The following TMEM178A variants were observed in gnomAD, a reference collection of about 807,000 sequenced individuals.
TMEM178A encodes the protein transmembrane protein 178A.
In TMEM178A, 12 loss-of-function variants were observed where a neutral mutation model predicts 29.1. The observed-to-expected ratio is 0.41, with a 90% CI of 0.26 to 0.67. The LOEUF (loss-of-function observed/expected upper bound fraction) is 0.67. Ranked by LOEUF, TMEM178A falls within the 30% of genes least tolerant of loss-of-function variation. The probability of loss-of-function intolerance (pLI) is 0.29; values close to 1 mark genes in which losing one functional copy is unlikely to be tolerated. For synonymous variants in TMEM178A, 210 were observed against 187.2 expected, an observed-to-expected ratio of 1.12 and a Z score of -0.99; for missense variants, 366 against 419.1, an observed-to-expected ratio of 0.87 and a Z score of 1.11.
intron 1 of TMEM178A, among the ~76,000 whole-genome samples, chr2:39,683,170 G>A (rs572071983): frequency 5.9e-5 from 9 of 152,236 alleles, no homozygotes; most frequent in Admixed American, 1.3e-4. Context: ...ATACGGTGTC[G>A]TCCATTTCAG....
the TMEM178A span, among the ~76,000 whole-genome samples, chr2:39,731,920 A>C: frequency 0.57 from 86,016 of 151,956 alleles, 25,056 homozygotes; most frequent in East Asian, 0.77. Flanking sequence ...TTCCAACTAC[A>C]TATTTAGAAC....
chr2:39,727,170 C>A, the TMEM178A span, among the ~76,000 whole-genome samples: 3 of 152,188 alleles, frequency 2.0e-5, no homozygotes, highest in Non-Finnish European at 2.9e-5. Flanking sequence ...GCCCGGACTT[C>A]TGGCTGGTAT....
chr2:39,686,192 C>T (rs1285277675), intron 1 of TMEM178A, among the ~76,000 whole-genome samples: 2 of 152,168 alleles, frequency 1.3e-5, no homozygotes, highest in Non-Finnish European at 2.9e-5. Context: ...CTTCTGAGCC[C>T]TGCAGGGAAA....
chr2:39,665,981 C>A lies in TMEM178A; in HGVS notation c.7C>A (p.Pro3Thr). 7.3e-7 allele frequency: 1 copy of A among 1,377,878 alleles called. No homozygotes were observed. The highest frequency in any genetic ancestry group is 1.5e-5 in the African/African-American group (1 of 66,522). 85.4% of individuals were successfully genotyped at this position (1,377,878 alleles called of 1,614,324 possible). A position where few individuals can be genotyped will look rare whatever the true frequency, so the allele number is the denominator to read the frequency against. MEPRALVTALSLG... is the reference protein window; with the variant it reads METRALVTALSLG... ...TGCGGCGGGGCGGGAAGCCATGGAG[C>A]CGCGGGCGCTCGTCACGGCGCTCAG... The change falls in exon 1 of 4, where the codon CCG (proline) becomes ACG (threonine). Residue 3 changes from proline (P) to threonine (T), a missense_variant. Physicochemically the swap from Pro to Thr is conservative, Grantham distance 38. This residue lies in a region of TMEM178A where 247 missense variants were observed against 246.8 expected (regional missense o/e 1.00). Transcript: ENST00000281961.
the TMEM178A span, among the ~76,000 whole-genome samples, chr2:39,728,926 T>C: frequency 1.3e-5 from 2 of 152,024 alleles, no homozygotes; most frequent in Non-Finnish European, 2.9e-5. Flanking sequence ...CTAGAAAATA[T>C]GGTAACAGAA....
At chr2:39,676,141 TA>T (rs1670613768) in intron 1 of TMEM178A, among the ~76,000 whole-genome samples, 1 of 152,212 alleles carries the variant, frequency 6.6e-6, no homozygotes. Context: ...GGTGTAATTT[TA>T]AAATATGTAG....
chr2:39,690,844 G>A (rs1377682766), intron 1 of TMEM178A, among the ~76,000 whole-genome samples: 1 of 152,156 alleles, frequency 6.6e-6, no homozygotes, highest in African/African-American at 2.4e-5. Flanking sequence ...AATGAAATCA[G>A]GAATACGATA....
rs1670843731 is a variant in TMEM178A, at chr2:39,680,923, T to TTTATTA, written c.400+14549_400+14550insTTATTA. On this transcript the variant is annotated intron_variant, in intron 1 of 3. Coordinates refer to ENST00000281961, the MANE Select transcript of TMEM178A (RefSeq NM_152390.3). ...TTGAATTTAATAATTCTGTGTTAAATACCTGGAAGTTATACTTAATCACTT... is the reference window on the plus strand; with the variant it reads ...TTGAATTTAATAATTCTGTGTTAAATTTATTAACCTGGAAGTTATACTTAATCACTT... Among the ~76,000 whole-genome samples, 4 of 152,226 alleles carry TTTATTA rather than the reference T, an allele frequency of 2.6e-5. No homozygotes were observed. In the South Asian group the frequency reaches 8.3e-4, roughly 31 times the overall value.
intron 1 of TMEM178A, among the ~76,000 whole-genome samples, chr2:39,690,489 C>T (rs1222812799): frequency 1.3e-5 from 2 of 152,124 alleles, no homozygotes; most frequent in Admixed American, 1.3e-4. Flanking sequence ...AGGCCAGTGT[C>T]CTAAGGTGGA....
At chr2:39,690,875 A>G (rs1421529716) in intron 1 of TMEM178A, among the ~76,000 whole-genome samples, 2 of 152,248 alleles carry the variant, frequency 1.3e-5, no homozygotes, top group Non-Finnish European at 2.9e-5. Context: ...TGATAAGTTC[A>G]GTAGAGATAA....
intron 1 of TMEM178A, among the ~76,000 whole-genome samples, chr2:39,686,033 C>G (rs1671063853): frequency 6.6e-6 from 1 of 152,246 alleles, no homozygotes; most frequent in Admixed American, 6.5e-5. Flanking sequence ...ACATTCGTGC[C>G]TTGGTGACTA....
chr2:39,684,908 C>T (rs1025946709), intron 1 of TMEM178A, among the ~76,000 whole-genome samples: 2 of 152,170 alleles, frequency 1.3e-5, no homozygotes, highest in Non-Finnish European at 2.9e-5. Flanking sequence ...GCCCCTGGAC[C>T]CGGCTGAGTT....
chr2:39,719,225 G>A (rs536593968), downstream of TMEM178A, among the ~76,000 whole-genome samples: 1 of 152,306 alleles, frequency 6.6e-6, no homozygotes, highest in South Asian at 2.1e-4. Flanking sequence ...TTTCTTTGAA[G>A]TCTTCTTTAA....
chr2:39,676,638 C>T (rs998411207), intron 1 of TMEM178A, among the ~76,000 whole-genome samples: 2 of 152,118 alleles, frequency 1.3e-5, no homozygotes, highest in Non-Finnish European at 2.9e-5. Flanking sequence ...GAGAAAGGGC[C>T]CAGGCTCCCC....
chr2:39,728,757 G>T, the TMEM178A span, among the ~76,000 whole-genome samples: 49 of 151,240 alleles, frequency 3.2e-4, no homozygotes, highest in Non-Finnish European at 5.3e-4. Context: ...TTGCATTTTG[G>T]TCACAGAGTC....
chr2:39,716,209 C>T (rs546873039), intron 3 of TMEM178A, among the ~76,000 whole-genome samples: 8 of 152,262 alleles, frequency 5.3e-5, no homozygotes, highest in Non-Finnish European at 1.0e-4. Flanking sequence ...GGGTCCATTG[C>T]GGTGGAATAG....
At chr2:39,692,318 T>A (rs141251581) in intron 1 of TMEM178A, among the ~76,000 whole-genome samples, 1 of 152,206 alleles carries the variant, frequency 6.6e-6, no homozygotes, top group Non-Finnish European at 1.5e-5. Context: ...ACAACTTAAG[T>A]GTTCTCACTA....
chr2:39,708,279 GTATCA>G (rs1313020537), intron 3 of TMEM178A, among the ~76,000 whole-genome samples: 1 of 151,996 alleles, frequency 6.6e-6, no homozygotes, highest in Non-Finnish European at 1.5e-5. Context: ...GGACAGGATA[GTATCA>G]CATGAGGTGG....
chr2:39,702,986 A>G (rs1030281843), intron 1 of TMEM178A, among the ~76,000 whole-genome samples: 9 of 152,178 alleles, frequency 5.9e-5, no homozygotes, highest in African/African-American at 2.2e-4. Context: ...CTGTAGGTAC[A>G]TTCACAGGAG....
Sources: gnomAD v4.1 joint callset for allele counts (sites outside exome capture counted in the v4.1 genomes callset) on GRCh38, gnomAD v4.1.1 for gene constraint, gnomAD v4.1.1 regional missense constraint, MANE v1.5 for transcripts, NCBI Gene and HGNC (gene_info 2026-07-23, HGNC 2026-07-21) for gene names.